RAB38: variants seen among roughly 807,000 people sequenced by gnomAD.
The protein encoded by RAB38 is ras-related protein Rab-38.
In RAB38, 15 loss-of-function variants were observed where a neutral mutation model predicts 18.4. That is an observed-to-expected ratio of 0.82 (90% CI 0.55 to 1.26). The LOEUF (loss-of-function observed/expected upper bound fraction) is 1.26, where lower values mean the gene tolerates loss of function less well. Among genes scored for constraint, RAB38 ranks in the 50% most tolerant of loss-of-function variants. RAB38 has a pLI of 0.00. For synonymous variants in RAB38, 101 were observed against 104.4 expected (o/e 0.97, Z 0.20); for missense variants, 294 against 267.4 (o/e 1.10, Z -0.69).
At chr11:87,901,011 C>T in the RAB38 span, among the ~76,000 whole-genome samples, 1 of 151,572 alleles carries the variant, frequency 6.6e-6, no homozygotes, top group Non-Finnish European at 1.5e-5. Flanking sequence ...ATTTTTAACT[C>T]CTCAAACTTT....
chr11:88,069,632 A>T, the RAB38 span, among the ~76,000 whole-genome samples: 40 of 152,060 alleles, frequency 2.6e-4, no homozygotes, highest in Non-Finnish European at 2.9e-4. Context: ...TATCTAGCTA[A>T]TCTGGTGGGG....
chr11:88,019,992 G>C, the RAB38 span, among the ~76,000 whole-genome samples: 540 of 152,224 alleles, frequency 3.5e-3, 4 homozygotes, highest in African/African-American at 0.012. Flanking sequence ...CCAGTGCCTG[G>C]TGTATGGTTC....
At chr11:87,970,952 G>A in the RAB38 span, among the ~76,000 whole-genome samples, 4 of 151,992 alleles carry the variant, frequency 2.6e-5, no homozygotes, top group Non-Finnish European at 5.9e-5. Context: ...GCAGCTAAAT[G>A]TCACTCTAGA....
chr11:88,049,517 CT>C, the RAB38 span, among the ~76,000 whole-genome samples: 2 of 152,114 alleles, frequency 1.3e-5, no homozygotes, highest in East Asian at 1.9e-4. Context: ...GGCCCCACCC[CT>C]GTCTCCCTTC....
chr11:88,023,392 A>C, the RAB38 span, among the ~76,000 whole-genome samples: 1 of 151,812 alleles, frequency 6.6e-6, no homozygotes, highest in Non-Finnish European at 1.5e-5. Flanking sequence ...ACTGATAAAA[A>C]TCTAAAAGAA....
the RAB38 span, among the ~76,000 whole-genome samples, chr11:87,951,914 C>T: frequency 6.6e-6 from 1 of 152,174 alleles, no homozygotes; most frequent in East Asian, 1.9e-4. Context: ...AACCACTACT[C>T]TCTTCAAAGC....
the RAB38 span, among the ~76,000 whole-genome samples, chr11:87,811,845 G>A: frequency 1.3e-5 from 2 of 152,218 alleles, no homozygotes; most frequent in Admixed American, 6.5e-5. Context: ...GAAATTTCCT[G>A]GTGATCTTTT....
chr11:87,894,468 T>C, the RAB38 span, among the ~76,000 whole-genome samples: 1 of 151,702 alleles, frequency 6.6e-6, no homozygotes, highest in African/African-American at 2.4e-5. Context: ...CGACATACTT[T>C]GGACTAATGG....
the RAB38 span, among the ~76,000 whole-genome samples, chr11:88,081,271 C>T: frequency 6.6e-6 from 1 of 151,744 alleles, no homozygotes. Flanking sequence ...TTATACTACC[C>T]AGCAATCCCA....
the RAB38 span, among the ~76,000 whole-genome samples, chr11:87,951,758 G>A: frequency 6.6e-6 from 1 of 152,168 alleles, no homozygotes; most frequent in African/African-American, 2.4e-5. Context: ...TCCTCTGGAA[G>A]TTTTGTCTCA....
At chr11:87,821,850 T>TAAA in the RAB38 span, among the ~76,000 whole-genome samples, 5 of 130,814 alleles carry the variant, frequency 3.8e-5, no homozygotes, top group African/African-American at 1.1e-4. Flanking sequence ...CACTCCGTCT[T>TAAA]AAAAAAAAAA....
chr11:88,059,945 C>T, the RAB38 span, among the ~76,000 whole-genome samples: 2 of 152,208 alleles, frequency 1.3e-5, no homozygotes, highest in Non-Finnish European at 2.9e-5. Flanking sequence ...AGGCTCTAGA[C>T]TCTTTAAAAC....
At chr11:88,042,438 G>A in the RAB38 span, among the ~76,000 whole-genome samples, 1 of 152,178 alleles carries the variant, frequency 6.6e-6, no homozygotes, top group Non-Finnish European at 1.5e-5. Flanking sequence ...ATTCCTGTCT[G>A]ACACTGTCAG....
chr11:87,974,167 G>A, the RAB38 span, among the ~76,000 whole-genome samples: 633 of 151,882 alleles, frequency 4.2e-3, 3 homozygotes, highest in African/African-American at 0.014. Flanking sequence ...ATATCAAAAT[G>A]ATCCAGTTAT....
chr11:87,840,177 A>G, the RAB38 span, among the ~76,000 whole-genome samples: 5 of 152,198 alleles, frequency 3.3e-5, no homozygotes, highest in Non-Finnish European at 7.4e-5. Context: ...AACAAATGAA[A>G]GGAAGAGTTG....
chr11:87,911,821 T>A, the RAB38 span, among the ~76,000 whole-genome samples: 1 of 152,026 alleles, frequency 6.6e-6, no homozygotes, highest in East Asian at 1.9e-4. Flanking sequence ...GCATTCAGTT[T>A]CATTAATAAC....
rs187963013 is a variant in RAB38 at position 88,164,307 on chromosome 11, A to T, written c.202+10876T>A. On this transcript the variant is annotated intron_variant, in intron 1 of 2. Transcript: ENST00000243662. ...TCACATGGGTGAAACAGGATATTTT[A>T]AATTTTCAAGGCAAATACGGTAGTA... Among the ~76,000 whole-genome samples, 731 of 149,670 alleles carry T rather than the reference A, an allele frequency of 4.9e-3. 5 individuals are homozygous for T. The highest frequency in any genetic ancestry group is 0.017 in the African/African-American group (696 of 40,580).
chr11:87,902,618 A>G, the RAB38 span, among the ~76,000 whole-genome samples: 1 of 151,464 alleles, frequency 6.6e-6, no homozygotes, highest in Non-Finnish European at 1.5e-5. Flanking sequence ...CTTATCAACA[A>G]TACCTGTGTT....
chr11:87,866,134 T>TA, the RAB38 span, among the ~76,000 whole-genome samples: 1 of 151,488 alleles, frequency 6.6e-6, no homozygotes, highest in East Asian at 1.9e-4. Flanking sequence ...AGGAGAAAAG[T>TA]AGGAAGGACA....
Sources: gnomAD v4.1 joint callset for allele counts (sites outside exome capture counted in the v4.1 genomes callset) on GRCh38, gnomAD v4.1.1 for gene constraint, MANE v1.5 for transcripts, NCBI Gene and HGNC (gene_info 2026-07-23, HGNC 2026-07-21) for gene names.